The following NPC1 variants were observed in gnomAD, a reference collection of about 807,000 sequenced individuals.
NPC1 encodes Niemann-Pick C1 protein.
NPC1 carries 85 observed loss-of-function variants against 140.4 expected under a neutral mutation model. That is an observed-to-expected ratio of 0.61 (90% CI 0.51 to 0.72). The LOEUF (loss-of-function observed/expected upper bound fraction) is 0.72. NPC1 is among the 30% of genes least tolerant of loss of function. NPC1 has a pLI of 0.00. For synonymous variants in NPC1, 656 were observed against 624.8 expected (o/e 1.05, Z -0.74); for missense variants, 1,504 against 1,623.8 (o/e 0.93, Z 1.27).
intron 11 of NPC1, 98 bp from the exon 12 acceptor site, chr18:23,545,247 T>G (rs2058772783): frequency 2.3e-6 from 2 of 871,444 alleles, no homozygotes; most frequent in Non-Finnish European, 3.7e-6. Context: ...CCACGTTTTC[T>G]TTTTTTTGGT....
At position 23,557,186 on chromosome 18, in the gene NPC1, G is replaced by A. The variant is rs767358517; in HGVS notation, c.886C>T (p.Arg296Trp). ...GGAGTGTACTCGGAGACAAAATACC[G>A]TTTTCTGAAAAACAGAAGTGAAGAA... ...AFFAVWCYRK[R>W]YFVSEYTPID... The change falls in exon 7 of 25, where the codon CGG (arginine) becomes TGG (tryptophan). Residue 296 changes from arginine to tryptophan, a missense_variant. Transcript: ENST00000269228. 1.6e-5 allele frequency: 25 copies of A among 1,612,140 alleles called. 1 individual carries two copies. The highest frequency in any genetic ancestry group is 6.6e-5 in the South Asian group (6 of 91,064).
At chr18:23,547,289 T>C (rs1401219073) in intron 11 of NPC1, among the ~76,000 whole-genome samples, 1 of 152,198 alleles carries the variant, frequency 6.6e-6, no homozygotes, top group Admixed American at 6.5e-5. Context: ...TTGCTTGATA[T>C]TTTTTTCTAA....
downstream of NPC1, chr18:23,528,747 C>T (rs2058384832): frequency 1.3e-5 from 2 of 158,624 alleles, no homozygotes; most frequent in Non-Finnish European, 2.8e-5. Context: ...ACACGGTCTG[C>T]TGGGCTCCAT....
At chr18:23,530,162 G>T (rs187341070), downstream of NPC1, 1 of 1,613,534 alleles carries the variant, frequency 6.2e-7, no homozygotes, top group East Asian at 2.2e-5. Flanking sequence ...TACTTCCATT[G>T]TGGTTAAAAA....
chr18:23,564,806 T>C (rs966570962), intron 4 of NPC1, among the ~76,000 whole-genome samples: 4 of 152,200 alleles, frequency 2.6e-5, no homozygotes, highest in African/African-American at 9.7e-5. Context: ...AGCTCTTACA[T>C]TTAGGTCTTC....
intron 5 of NPC1, 104 bp from the exon 6 acceptor site, chr18:23,560,584 C>G: frequency 2.5e-6 from 3 of 1,189,786 alleles, no homozygotes; most frequent in Non-Finnish European, 3.6e-6. Flanking sequence ...CATAAAACAA[C>G]TGAAAGAAGA....
chr18:23,541,381 C>T lies in NPC1; in HGVS notation c.2298G>A (p.Leu766=), dbSNP rs944061296. 2 of 1,614,226 alleles carry T rather than the reference C, an allele frequency of 1.2e-6. No individual in the cohort carries two copies. Among genetic ancestry groups the T allele is most frequent in the Admixed American group, 1.7e-5 (1 of 60,030 alleles). The change falls in exon 15 of 25, where the codon TTG becomes TTA. Residue 766 remains leucine (L), a synonymous_variant. Transcript: ENST00000269228. ...AVHTFSLFAG[L]AVFIDFLLQI... ...GCAGAAGAAAGTCAATGAAGACTGCCAATCCCGCAAAGAGAGAGAAGGTGT... is the reference window on the plus strand; with the variant it reads ...GCAGAAGAAAGTCAATGAAGACTGCTAATCCCGCAAAGAGAGAGAAGGTGT...
In NPC1 at chr18:23,532,421, G is replaced by A. The variant is rs2058542804; in HGVS notation, c.3755-137C>T. 4.4e-6 allele frequency: 4 copies of A among 905,252 alleles called. No individual in the cohort carries two copies. The South Asian group carries it at 5.3e-5, about 12-fold the overall frequency. 56.1% of individuals were successfully genotyped at this position (905,252 alleles called of 1,614,324 possible). Reference sequence around the variant, plus strand: ...GCTTGAGACCAGCCTGGACAACAGAGTGAGACCACATCTCTCTCCCTCTCT... The same window carrying A: ...GCTTGAGACCAGCCTGGACAACAGAATGAGACCACATCTCTCTCCCTCTCT... On this transcript the variant is annotated intron_variant, in intron 24 of 24. Transcript: ENST00000269228.
intron 4 of NPC1, among the ~76,000 whole-genome samples, chr18:23,565,543 A>G (rs2059112163): frequency 6.6e-6 from 1 of 152,080 alleles, no homozygotes. Context: ...TTTAGTAGAG[A>G]TGGGGTTTCA....
At chr18:23,523,719 C>T (rs889813108) in intron 1 of NPC1, among the ~76,000 whole-genome samples, 2 of 151,952 alleles carry the variant, frequency 1.3e-5, no homozygotes, top group Non-Finnish European at 2.9e-5. Flanking sequence ...AACACCCTCT[C>T]TTAAAGAAAA....
intron 11 of NPC1, 83 bp from the exon 12 acceptor site, chr18:23,545,232 A>C: frequency 9.7e-7 from 1 of 1,032,920 alleles, no homozygotes. Context: ...TTCACGATAC[A>C]AAGGCCACGT....
rs112352140 is a variant in NPC1 at position 23,537,837 on chromosome 18, A to G, written c.3041+705T>C. On this transcript the variant is annotated intron_variant, in intron 20 of 24. Transcript: ENST00000269228. ...GAGGAGTCATCCCATGATACCTCGA[A>G]TAGGTCTCAAAGCACATGCATGATA... 7.5e-3 allele frequency among the ~76,000 whole-genome samples: 1,135 copies of G among 152,324 alleles called. 1 individual carries two copies. The highest frequency in any genetic ancestry group is 0.012 in the Non-Finnish European group (800 of 68,032).
At chr18:23,532,810 C>T (rs10502439) in intron 24 of NPC1, 4 of 913,456 alleles carry the variant, frequency 4.4e-6, no homozygotes, top group East Asian at 1.2e-4. Flanking sequence ...TACTTCAGTG[C>T]TTCAATTTAG....
chr18:23,567,591 G>A (rs1435246354), intron 4 of NPC1, among the ~76,000 whole-genome samples: 6 of 152,022 alleles, frequency 3.9e-5, no homozygotes, highest in Non-Finnish European at 7.4e-5. Context: ...TTGTCTTCTC[G>A]TTCTTGAGGT....
In NPC1 at chr18:23,543,369, C is replaced by T. The variant is rs1015403191; in HGVS notation, c.2245+86G>A. Reference sequence around the variant, plus strand: ...AAAGAAAAAAAAAAAAAGGAAGCAACACAAAGGGACATGTTCAGGTAGCCA... The same window carrying T: ...AAAGAAAAAAAAAAAAAGGAAGCAATACAAAGGGACATGTTCAGGTAGCCA... On this transcript the variant is annotated intron_variant, in intron 14 of 24. Coordinates refer to ENST00000269228, the MANE Select transcript of NPC1 (RefSeq NM_000271.5). 1.5e-5 allele frequency: 10 copies of T among 683,054 alleles called. No homozygotes were observed. The African/African-American group carries it at 1.6e-4, about 11-fold the overall frequency. The allele number at this position is 683,054 out of a possible 1,614,324, so 42.3% of individuals were successfully genotyped here.
downstream of NPC1, among the ~76,000 whole-genome samples, chr18:23,519,468 AGATC>A (rs1324792462): frequency 6.6e-6 from 1 of 151,824 alleles, no homozygotes; most frequent in African/African-American, 2.4e-5. Context: ...CAGTGAGTGG[AGATC>A]GCGCCACTGC....
At chr18:23,535,985 C>T (rs1273789039) in intron 21 of NPC1, among the ~76,000 whole-genome samples, 1 of 151,910 alleles carries the variant, frequency 6.6e-6, no homozygotes. Flanking sequence ...GAGAGCATTC[C>T]ACAGCATTCT....
chr18:23,518,350 G>C (rs529679323), downstream of NPC1, among the ~76,000 whole-genome samples: 14 of 152,174 alleles, frequency 9.2e-5, no homozygotes, highest in South Asian at 2.7e-3. Context: ...AAATTAGCCA[G>C]GCACGGTGGC....
At position 23,533,388 on chromosome 18, in the gene NPC1, A is replaced by G. The variant is rs781348838; in HGVS notation, c.3721T>C (p.Leu1241=). Residue 1241 remains leucine (L), a synonymous_variant, in exon 24 of 25, where the codon TTA becomes CTA. Transcript: ENST00000269228. ...AMVLLGATHG[L]IFLPVLLSYI... ...CTGAGTAAGACAGGGAGAAATATTA[A>G]TCCGTGAGTGGCTCCCAGTAAGACC... 2 of 1,614,184 alleles carry G rather than the reference A, an allele frequency of 1.2e-6. No homozygotes were observed. The highest frequency in any genetic ancestry group is 1.1e-5 in the South Asian group (1 of 91,084).
Sources: allele counts gnomAD v4.1 joint callset (sites outside exome capture counted in the v4.1 genomes callset), GRCh38; gene constraint gnomAD v4.1.1; transcripts MANE v1.5; gene names NCBI Gene and HGNC (gene_info 2026-07-23, HGNC 2026-07-21).